The following LTBP1 variants were observed in gnomAD, a reference collection of about 807,000 sequenced individuals.
LTBP1 encodes latent-transforming growth factor beta-binding protein 1.
In LTBP1, 129 loss-of-function variants were observed where a neutral mutation model predicts 207.6. The ratio of observed to expected loss-of-function variants is 0.62; its 90% CI spans 0.54 to 0.72. LTBP1 has a LOEUF of 0.72. LTBP1 is among the 30% of genes least tolerant of loss of function. The probability of loss-of-function intolerance (pLI) is 0.00; values close to 1 mark genes in which losing one functional copy is unlikely to be tolerated. For missense variants in LTBP1, 2,281 were observed against 2,217.2 expected (o/e 1.03, Z -0.58); for synonymous variants, 963 against 833.7 (o/e 1.16, Z -2.67).
chr2:32,976,263 C>T (rs540154593), intron 2 of LTBP1, among the ~76,000 whole-genome samples: 10 of 152,240 alleles, frequency 6.6e-5, no homozygotes, highest in Admixed American at 2.6e-4. Context: ...AAGGTGTTCC[C>T]GGTCCACTGA....
chr2:33,092,205 A>T (rs1179699903), intron 3 of LTBP1, among the ~76,000 whole-genome samples: 1 of 152,128 alleles, frequency 6.6e-6, no homozygotes, highest in Non-Finnish European at 1.5e-5. Context: ...GCGCACACAC[A>T]CACACACACA....
intron 24 of LTBP1, among the ~76,000 whole-genome samples, chr2:33,317,158 C>T (rs979732929): frequency 6.6e-6 from 1 of 152,136 alleles, no homozygotes; most frequent in East Asian, 1.9e-4. Flanking sequence ...AGTTGCAGCT[C>T]TAATTTTGTT....
At chr2:33,101,947 A>G (rs559886908) in intron 3 of LTBP1, among the ~76,000 whole-genome samples, 1 of 152,282 alleles carries the variant, frequency 6.6e-6, no homozygotes, top group South Asian at 2.1e-4. Context: ...CTTTGCAGAT[A>G]GGATATCTGC....
intron 5 of LTBP1, among the ~76,000 whole-genome samples, chr2:33,163,084 C>T (rs551207996): frequency 6.6e-6 from 1 of 152,316 alleles, no homozygotes; most frequent in African/African-American, 2.4e-5. Flanking sequence ...TGGGCTCGAG[C>T]AATCCTCCCA....
intron 10 of LTBP1, 137 bp downstream of exon 10, chr2:33,243,921 G>C: frequency 1.1e-6 from 1 of 922,608 alleles, no homozygotes; most frequent in Non-Finnish European, 1.6e-6. Context: ...TAACAAGCAA[G>C]GGGCCTGCCT....
chr2:33,242,610 G>C (rs2092368929), intron 9 of LTBP1, among the ~76,000 whole-genome samples: 1 of 147,738 alleles, frequency 6.8e-6, no homozygotes, highest in Non-Finnish European at 1.5e-5. Flanking sequence ...GAGCCTCCCA[G>C]ACATCCTTGA....
intron 31 of LTBP1, among the ~76,000 whole-genome samples, chr2:33,386,696 A>C (rs2095268147): frequency 6.6e-6 from 1 of 152,104 alleles, no homozygotes. Flanking sequence ...TTGGTAGCTC[A>C]TGCCTGTAGT....
chr2:33,331,585 G>T (rs1196046792), intron 24 of LTBP1, among the ~76,000 whole-genome samples: 2 of 152,026 alleles, frequency 1.3e-5, no homozygotes, highest in Non-Finnish European at 2.9e-5. Flanking sequence ...TACTCTAAAT[G>T]ACTTCAATCC....
chr2:33,009,394 G>T (rs1687365623), intron 2 of LTBP1, among the ~76,000 whole-genome samples: 1 of 152,158 alleles, frequency 6.6e-6, no homozygotes, highest in Non-Finnish European at 1.5e-5. Flanking sequence ...TTGGACATAG[G>T]GTCCTTGCAG....
chr2:32,988,998 CA>C (rs1684015775), intron 2 of LTBP1, among the ~76,000 whole-genome samples: 1 of 151,938 alleles, frequency 6.6e-6, no homozygotes, highest in African/African-American at 2.4e-5. Flanking sequence ...CTTTGAATTC[CA>C]AAATGACGGC....
At chr2:33,331,021 C>CAAATGGATAA (rs2094487700) in intron 24 of LTBP1, among the ~76,000 whole-genome samples, 1 of 151,632 alleles carries the variant, frequency 6.6e-6, no homozygotes, top group Non-Finnish European at 1.5e-5. Flanking sequence ...GGAATTTATC[C>CAAATGGATAA]ATTTGGGTAA....
intron 15 of LTBP1, among the ~76,000 whole-genome samples, chr2:33,263,747 A>T (rs2093088203): frequency 6.6e-6 from 1 of 151,848 alleles, no homozygotes; most frequent in Admixed American, 6.6e-5. Flanking sequence ...AGGTCAAGAG[A>T]TCGAGACCAT....
chr2:33,363,435 G>T lies in LTBP1; in HGVS notation c.4316G>T (p.Gly1439Val). 1 of 1,613,876 alleles carries T rather than the reference G, an allele frequency of 6.2e-7. No individual in the cohort carries two copies. The change falls in exon 29 of 34, where the codon GGT becomes GTT. Residue 1439 changes from glycine to valine, a missense_variant. Transcript: ENST00000404816. ...TTTGGACAAGAAATCTGCAAAAATG[G>T]TTTCTGTTTGAACACTCGGCCTGGG... The part of the protein sequence containing the change: ...LLFGQEICKN[G>V]FCLNTRPGYE...
intron 3 of LTBP1, among the ~76,000 whole-genome samples, chr2:33,031,540 A>C (rs991358800): frequency 1.3e-5 from 2 of 152,228 alleles, no homozygotes; most frequent in African/African-American, 4.8e-5. Context: ...CTGCTAAACT[A>C]TGTGGTGCAT....
At chr2:33,347,659 G>A (rs931667982) in intron 26 of LTBP1, 149 bp downstream of exon 26, 11 of 923,598 alleles carry the variant, frequency 1.2e-5, no homozygotes, top group African/African-American at 1.7e-5. Flanking sequence ...ATGATCTTCT[G>A]TGCCTGCCTT....
intron 24 of LTBP1, among the ~76,000 whole-genome samples, chr2:33,326,349 C>T (rs1270164202): frequency 6.6e-6 from 1 of 152,130 alleles, no homozygotes; most frequent in African/African-American, 2.4e-5. Context: ...ACATAAATGT[C>T]CTTTCCAGAT....
intron 18 of LTBP1, 21 bp downstream of exon 18, chr2:33,275,944 C>G (rs1470934942): frequency 2.6e-6 from 4 of 1,559,246 alleles, no homozygotes; most frequent in East Asian, 4.5e-5. Context: ...TGAGAGTGTT[C>G]AGCACACATG....
At chr2:33,115,948 TG>T (rs2080725048) in intron 4 of LTBP1, among the ~76,000 whole-genome samples, 1 of 152,218 alleles carries the variant, frequency 6.6e-6, no homozygotes, top group Non-Finnish European at 1.5e-5. Context: ...TGATATGGAA[TG>T]CTTTATAATA....
intron 24 of LTBP1, among the ~76,000 whole-genome samples, chr2:33,323,058 T>TAGGGTTATGTCC (rs2094379201): frequency 6.6e-6 from 1 of 152,054 alleles, no homozygotes; most frequent in Non-Finnish European, 1.5e-5. Context: ...CAATTTATGA[T>TAGGGTTATGTCC]AGGGTTATGT....
Sources: gnomAD v4.1 joint callset for allele counts (sites outside exome capture counted in the v4.1 genomes callset) on GRCh38, gnomAD v4.1.1 for gene constraint, MANE v1.5 for transcripts, NCBI Gene and HGNC (gene_info 2026-07-23, HGNC 2026-07-21) for gene names.